Variants in ULK4 observed in about 807,000 individuals in gnomAD.
ULK4 encodes inactive serine/threonine-protein kinase ULK4.
ULK4 carries 133 observed loss-of-function variants against 160.6 expected under a neutral mutation model. The observed-to-expected ratio is 0.83, with a 90% CI of 0.72 to 0.96. The LOEUF is 0.96. Among genes scored for constraint, ULK4 ranks in the 40% least tolerant of loss-of-function variants. ULK4 has a pLI of 0.00. For synonymous variants in ULK4, 534 were observed against 539.8 expected, an observed-to-expected ratio of 0.99 and a Z score of 0.15; for missense variants, 1,580 against 1,499.5, an observed-to-expected ratio of 1.05 and a Z score of -0.89.
chr3:41,329,185 C>T (rs1337265005), intron 35 of ULK4, among the ~76,000 whole-genome samples: 3 of 152,172 alleles, frequency 2.0e-5, no homozygotes, highest in Non-Finnish European at 4.4e-5. Context: ...GTAAAATGCT[C>T]TTGAGATTCA....
chr3:41,317,063 A>ATTTTTTTTTTTTTTTTTTTTTTTTTT lies in ULK4; in HGVS notation c.3679-67490_3679-67489insAAAAAAAAAAAAAAAAAAAAAAAAAA, dbSNP rs1164870603. On this transcript the variant is annotated intron_variant, in intron 35 of 36. Coordinates refer to ENST00000301831, the MANE Select transcript of ULK4 (RefSeq NM_017886.4). ...TGATGTAAAATAGGCAATTACATCT[A>ATTTTTTTTTTTTTTTTTTTTTTTTTT]TTTTTTTTTTTTTTTTTTTTTTTGA... Among the ~76,000 whole-genome samples, 7 of 94,548 alleles carry ATTTTTTTTTTTTTTTTTTTTTTTTTT rather than the reference A, an allele frequency of 7.4e-5. 3 individuals carry two copies. Among genetic ancestry groups the ATTTTTTTTTTTTTTTTTTTTTTTTTT allele is most frequent in the Admixed American group, 2.7e-4 (2 of 7,296 alleles). The allele number at this position is 94,548 out of a possible 152,430, so 62.0% of individuals were successfully genotyped here.
At position 41,470,048 on chromosome 3, in the gene ULK4, A is replaced by AACT. The variant is rs372332065; in HGVS notation, c.3227-6796_3227-6795insAGT. Among the ~76,000 whole-genome samples, 108 of 112,522 alleles carry AACT rather than the reference A, an allele frequency of 9.6e-4. 2 individuals carry two copies. The highest frequency in any genetic ancestry group is 3.9e-3 in the African/African-American group (101 of 26,176). The allele number at this position is 112,522 out of a possible 152,430, so 73.8% of individuals were successfully genotyped here. A position where few individuals can be genotyped will look rare whatever the true frequency, so the allele number is the denominator to read the frequency against. ...AAAAAAAAAAAAAAAAAAAAAAAACAAAGTATTTTTAAAGGAACTAATGGC... is the reference window on the plus strand; with the variant it reads ...AAAAAAAAAAAAAAAAAAAAAAAACAACTAAGTATTTTTAAAGGAACTAATGGC... On this transcript the variant is annotated intron_variant, in intron 32 of 36. Coordinates refer to ENST00000301831, the MANE Select transcript of ULK4 (RefSeq NM_017886.4).
At chr3:41,697,301 T>C (rs1191417937) in intron 27 of ULK4, among the ~76,000 whole-genome samples, 1 of 152,120 alleles carries the variant, frequency 6.6e-6, no homozygotes, top group South Asian at 2.1e-4. Flanking sequence ...AGCTGAAAAA[T>C]TCCTATTGCT....
intron 35 of ULK4, among the ~76,000 whole-genome samples, chr3:41,252,692 T>C (rs1362432136): frequency 1.3e-5 from 2 of 151,318 alleles, no homozygotes; most frequent in Admixed American, 6.6e-5. Flanking sequence ...GTTTTTGTCA[T>C]TGGAGTTCCA....
chr3:41,781,024 G>A (rs796268941), intron 21 of ULK4, among the ~76,000 whole-genome samples: 3 of 152,080 alleles, frequency 2.0e-5, no homozygotes, highest in East Asian at 1.9e-4. Context: ...GAGGCAGAAA[G>A]AGAGATTTAT....
chr3:41,927,878 G>C (rs1173715815), intron 5 of ULK4, among the ~76,000 whole-genome samples: 1 of 152,078 alleles, frequency 6.6e-6, no homozygotes, highest in Non-Finnish European at 1.5e-5. Context: ...GATCTACAAA[G>C]AGACATAGAC....
intron 31 of ULK4, among the ~76,000 whole-genome samples, chr3:41,600,656 A>G (rs2031998556): frequency 6.6e-6 from 1 of 152,154 alleles, no homozygotes; most frequent in African/African-American, 2.4e-5. Flanking sequence ...ATCACTCCAC[A>G]TCAGAGAGGT....
intron 3 of ULK4, 53 bp from the exon 4 acceptor site, chr3:41,935,993 G>A: frequency 6.6e-7 from 1 of 1,510,074 alleles, no homozygotes; most frequent in South Asian, 1.2e-5. Flanking sequence ...ATCACAGAGT[G>A]CCCCTGAGAG....
intron 31 of ULK4, among the ~76,000 whole-genome samples, chr3:41,571,105 C>T (rs886968670): frequency 6.6e-5 from 10 of 152,138 alleles, no homozygotes; most frequent in Non-Finnish European, 1.0e-4. Flanking sequence ...ATAAACTATC[C>T]ATAGATCATG....
At chr3:41,920,910 C>T (rs1447779675) in intron 5 of ULK4, among the ~76,000 whole-genome samples, 1 of 152,212 alleles carries the variant, frequency 6.6e-6, no homozygotes, top group Non-Finnish European at 1.5e-5. Context: ...CCATGGAACA[C>T]CCTTGCACTC....
chr3:41,491,303 G>T (rs1394697418), intron 32 of ULK4, among the ~76,000 whole-genome samples: 1 of 143,864 alleles, frequency 7.0e-6, no homozygotes, highest in Non-Finnish European at 1.5e-5. Flanking sequence ...CTATTACAAA[G>T]TTGTTTTGGA....
intron 34 of ULK4, among the ~76,000 whole-genome samples, chr3:41,433,751 G>A (rs554708927): frequency 4.0e-5 from 6 of 151,138 alleles, no homozygotes; most frequent in Non-Finnish European, 5.9e-5. Flanking sequence ...ACGGAGTCTC[G>A]CTCTGTCGCC....
At chr3:41,687,529 G>A (rs2036141828) in intron 27 of ULK4, among the ~76,000 whole-genome samples, 1 of 152,144 alleles carries the variant, frequency 6.6e-6, no homozygotes, top group African/African-American at 2.4e-5. Flanking sequence ...TAGTCAGAAT[G>A]CGGCAGCAGA....
chr3:41,723,089 C>T (rs566238458), intron 22 of ULK4, among the ~76,000 whole-genome samples: 9 of 152,200 alleles, frequency 5.9e-5, no homozygotes, highest in African/African-American at 2.2e-4. Context: ...TTAATTTCTA[C>T]CCATCTATTT....
chr3:41,439,774 A>AT (rs1484517325), intron 34 of ULK4, among the ~76,000 whole-genome samples: 3 of 152,156 alleles, frequency 2.0e-5, no homozygotes, highest in African/African-American at 7.2e-5. Flanking sequence ...GTCTGCTGGG[A>AT]TTTTGACTGG....
At chr3:41,396,835 A>T (rs2082071747) in intron 35 of ULK4, among the ~76,000 whole-genome samples, 1 of 151,988 alleles carries the variant, frequency 6.6e-6, no homozygotes, top group Admixed American at 6.6e-5. Flanking sequence ...TCAGGTAGTG[A>T]CTCTGCTGAG....
At chr3:41,957,960 C>T (rs2148849300) in intron 1 of ULK4, among the ~76,000 whole-genome samples, 1 of 151,200 alleles carries the variant, frequency 6.6e-6, no homozygotes, top group East Asian at 2.0e-4. Flanking sequence ...AGGAGGATAG[C>T]TTGAACCCGG....
At chr3:41,925,643 A>C (rs1172878760) in intron 5 of ULK4, among the ~76,000 whole-genome samples, 1 of 152,200 alleles carries the variant, frequency 6.6e-6, no homozygotes, top group Non-Finnish European at 1.5e-5. Flanking sequence ...CAGCAAGCTA[A>C]GATCCACTGG....
At chr3:41,523,682 A>G (rs2125933901) in intron 32 of ULK4, among the ~76,000 whole-genome samples, 1 of 152,308 alleles carries the variant, frequency 6.6e-6, no homozygotes, top group Admixed American at 6.5e-5. Flanking sequence ...TGCTGGTGGC[A>G]ATGTAAAATG....
Sources: gnomAD v4.1 joint callset for allele counts (sites outside exome capture counted in the v4.1 genomes callset) on GRCh38, gnomAD v4.1.1 for gene constraint, MANE v1.5 for transcripts, NCBI Gene and HGNC (gene_info 2026-07-23, HGNC 2026-07-21) for gene names.